AKAP6: variants seen among roughly 807,000 people sequenced by gnomAD.
AKAP6 encodes A-kinase anchoring protein 6.
A neutral mutation model predicts 188.5 loss-of-function variants in AKAP6; 58 were observed. That is an observed-to-expected ratio of 0.31 (90% confidence interval 0.25 to 0.38). AKAP6 has a LOEUF of 0.38. Ranked by LOEUF, AKAP6 falls within the 10% of genes least tolerant of loss-of-function variation. AKAP6 has a pLI of 1.00. For synonymous variants in AKAP6, 989 were observed against 998.6 expected (o/e 0.99, Z 0.18); for missense variants, 2,710 against 2,740.0 (o/e 0.99, Z 0.24).
chr14:32,814,991 T>G (rs1451199478), intron 12 of AKAP6, among the ~76,000 whole-genome samples: 1 of 152,220 alleles, frequency 6.6e-6, no homozygotes, highest in African/African-American at 2.4e-5. Flanking sequence ...CCTGTCCTCA[T>G]GAAGTTTATT....
At chr14:32,520,934 A>G (rs1881797084) in intron 2 of AKAP6, among the ~76,000 whole-genome samples, 1 of 152,198 alleles carries the variant, frequency 6.6e-6, no homozygotes, top group Admixed American at 6.5e-5. Flanking sequence ...CAATGCAAAA[A>G]TCCTCAATAA....
intron 11 of AKAP6, among the ~76,000 whole-genome samples, chr14:32,768,673 ATACTTTAAAAAGTC>A (rs1454760598): frequency 6.6e-6 from 1 of 152,214 alleles, no homozygotes; most frequent in Non-Finnish European, 1.5e-5. Flanking sequence ...TACTATTTTT[ATACTTTAAAAAGTC>A]TACTCAGCTA....
intron 2 of AKAP6, among the ~76,000 whole-genome samples, chr14:32,510,492 A>ATATG: frequency 8.8e-6 from 1 of 113,444 alleles, no homozygotes. Flanking sequence ...ATATATGTGT[A>ATATG]TATATATATA....
chr14:32,440,394 G>A (rs1192787309), intron 2 of AKAP6, among the ~76,000 whole-genome samples: 1 of 151,858 alleles, frequency 6.6e-6, no homozygotes, highest in African/African-American at 2.4e-5. Context: ...ACCAGTTAAC[G>A]GGTGCAGCAC....
At chr14:32,828,615 T>C (rs1594994550) in intron 13 of AKAP6, among the ~76,000 whole-genome samples, 1 of 151,906 alleles carries the variant, frequency 6.6e-6, no homozygotes, top group South Asian at 2.1e-4. Context: ...GGCCTGCCCA[T>C]TTCCAAGTGG....
chr14:32,334,941 C>T (rs1886642639), intron 1 of AKAP6, among the ~76,000 whole-genome samples: 1 of 152,096 alleles, frequency 6.6e-6, no homozygotes, highest in African/African-American at 2.4e-5. Context: ...AATGTGGAAC[C>T]TTTATTTTAT....
chr14:32,667,359 C>T (rs1432517253), intron 7 of AKAP6, among the ~76,000 whole-genome samples: 1 of 151,840 alleles, frequency 6.6e-6, no homozygotes, highest in Admixed American at 6.6e-5. Context: ...ATTATGGTTC[C>T]CTACTGACAC....
chr14:32,517,262 T>G (rs554108871), intron 2 of AKAP6, among the ~76,000 whole-genome samples: 2 of 152,248 alleles, frequency 1.3e-5, no homozygotes, highest in Admixed American at 6.5e-5. Context: ...CTATTGAAGT[T>G]ATTCTAGCTA....
At chr14:32,486,410 A>C (rs1408420860) in intron 2 of AKAP6, among the ~76,000 whole-genome samples, 1 of 152,196 alleles carries the variant, frequency 6.6e-6, no homozygotes, top group African/African-American at 2.4e-5. Context: ...TTTGGGCATT[A>C]TGGCTATTTT....
intron 11 of AKAP6, among the ~76,000 whole-genome samples, chr14:32,749,406 A>G (rs1451016135): frequency 6.6e-6 from 1 of 152,230 alleles, no homozygotes; most frequent in Non-Finnish European, 1.5e-5. Flanking sequence ...TCCCTCATCG[A>G]AAATGATACT....
At chr14:32,516,665 A>T (rs1004222828) in intron 2 of AKAP6, among the ~76,000 whole-genome samples, 3 of 152,230 alleles carry the variant, frequency 2.0e-5, no homozygotes, top group African/African-American at 7.2e-5. Flanking sequence ...GGTGGAAGAA[A>T]GGAAATACGG....
At chr14:32,751,232 A>G (rs549330968) in intron 11 of AKAP6, among the ~76,000 whole-genome samples, 177 of 152,216 alleles carry the variant, frequency 1.2e-3, no homozygotes, top group African/African-American at 4.1e-3. Flanking sequence ...TCTTCTAATA[A>G]TTTTCACAGG....
Position 32,330,769 on chromosome 14 carries a change from A to T in AKAP6, c.-35+1361A>T, listed in dbSNP as rs115104258. 6.1e-4 allele frequency among the ~76,000 whole-genome samples: 70 copies of T among 114,022 alleles called. 2 individuals carry two copies. Among genetic ancestry groups the T allele is most frequent in the African/African-American group, 2.2e-3 (63 of 28,176 alleles). The allele number at this position is 114,022 out of a possible 152,430, so 74.8% of individuals were successfully genotyped here. A position where few individuals can be genotyped will look rare whatever the true frequency, so the allele number is the denominator to read the frequency against. On this transcript the variant is annotated intron_variant, in intron 1 of 13. Transcript: ENST00000280979. ...GCACAGAGTTAAGTATGCTAGTCCC[A>T]TTAGGCACCAGCCAGAGGAAAGGCC...
chr14:32,448,651 C>T lies in AKAP6; in HGVS notation c.324+14834C>T, dbSNP rs140135818. Among the ~76,000 whole-genome samples the T allele has an allele frequency of 3.6e-3, 544 of 152,224 alleles. 8 individuals carry two copies. The highest frequency in any genetic ancestry group is 0.013 in the African/African-American group (521 of 41,532). On this transcript the variant is annotated intron_variant, in intron 2 of 13. Coordinates refer to ENST00000280979, the MANE Select transcript of AKAP6 (RefSeq NM_004274.5). ...TAATTTTTTGAGAATATGATGAAAA[C>T]TATAAACTGTCTTCTCAAGACATTG...
intron 7 of AKAP6, among the ~76,000 whole-genome samples, chr14:32,606,364 A>C (rs1176155138): frequency 6.6e-6 from 1 of 152,180 alleles, no homozygotes; most frequent in African/African-American, 2.4e-5. Context: ...AAAATCTGAA[A>C]GCAAGAAAGC....
intron 12 of AKAP6, among the ~76,000 whole-genome samples, chr14:32,783,585 A>G (rs1281049741): frequency 1.3e-5 from 2 of 152,170 alleles, no homozygotes. Context: ...TCTTGGTATA[A>G]GTAAATGAAA....
chr14:32,739,614 C>T (rs1594897762), intron 11 of AKAP6, among the ~76,000 whole-genome samples: 1 of 152,020 alleles, frequency 6.6e-6, no homozygotes, highest in South Asian at 2.1e-4. Flanking sequence ...TAAGTGAGAA[C>T]ATGCAATGTT....
chr14:32,582,612 A>G (rs1236290556), intron 5 of AKAP6, among the ~76,000 whole-genome samples: 1 of 152,112 alleles, frequency 6.6e-6, no homozygotes, highest in Non-Finnish European at 1.5e-5. Flanking sequence ...TCTCCCTGTC[A>G]CTTTCAGGTA....
At chr14:32,726,077 T>A (rs1035238869) in intron 9 of AKAP6, 18 of 531,758 alleles carry the variant, frequency 3.4e-5, no homozygotes, top group Non-Finnish European at 4.3e-5. Flanking sequence ...GCAGTCATTT[T>A]GGCAATTTCC....
Sources: allele counts gnomAD v4.1 joint callset (sites outside exome capture counted in the v4.1 genomes callset), GRCh38; gene constraint gnomAD v4.1.1; transcripts MANE v1.5; gene names NCBI Gene and HGNC (gene_info 2026-07-23, HGNC 2026-07-21).